The following ASXL1 variants were observed in gnomAD, a reference collection of about 807,000 sequenced individuals.
ASXL1 encodes the protein polycomb group protein ASXL1.
ASXL1 carries 65 observed loss-of-function variants against 89.1 expected under a neutral mutation model. The observed-to-expected ratio is 0.73, with a 90% confidence interval of 0.60 to 0.90. The LOEUF (loss-of-function observed/expected upper bound fraction) is 0.90. Ranked by LOEUF, ASXL1 falls within the 40% of genes least tolerant of loss-of-function variation. The pLI is 0.00. For synonymous variants in ASXL1, 739 were observed against 746.9 expected (o/e 0.99, Z 0.17); for missense variants, 1,786 against 1,942.9 (o/e 0.92, Z 1.52).
chr20:32,386,592 A>G lies in ASXL1; in HGVS notation c.252+17469A>G, dbSNP rs1399959613. ...GCCACCATGCCCAGCTGTTTTTTGTATAATTATTAGAGATGGGGTTTCGCC... is the reference window on the plus strand; with the variant it reads ...GCCACCATGCCCAGCTGTTTTTTGTGTAATTATTAGAGATGGGGTTTCGCC... On this transcript the variant is annotated intron_variant, in intron 4 of 12. Transcript: ENST00000375687. Among the ~76,000 whole-genome samples, 6 of 151,828 alleles carry G rather than the reference A, an allele frequency of 4.0e-5. 1 individual carries two copies. Among genetic ancestry groups the G allele is most frequent in the Admixed American group, 1.3e-4 (2 of 15,222 alleles).
At chr20:32,372,484 T>C in intron 4 of ASXL1, 1 of 914,640 alleles carries the variant, frequency 1.1e-6, no homozygotes, top group Non-Finnish European at 1.3e-6. Context: ...GAGCAGAGTC[T>C]GTATTTTATT....
Position 32,429,806 on chromosome 20 carries a change from C to T in ASXL1, c.566-95C>T. ...GATGGAAGCATCCCAGTATTGCTGGCAGCATCTCAGGGAGAGCTGGGAGAA... is the reference window on the plus strand; with the variant it reads ...GATGGAAGCATCCCAGTATTGCTGGTAGCATCTCAGGGAGAGCTGGGAGAA... On this transcript the variant is annotated intron_variant, in intron 7 of 12. Transcript: ENST00000375687. The surrounding 1 kb of genome is among the most constrained non-coding windows in gnomAD (Gnocchi z 4.9). The T allele has an allele frequency of 6.7e-7, 1 of 1,492,752 alleles. No homozygotes were observed. The highest frequency in any genetic ancestry group is 1.2e-5 in the South Asian group (1 of 82,922). The allele number at this position is 1,492,752 out of a possible 1,614,324, so 92.5% of individuals were successfully genotyped here.
chr20:32,359,825 A>G (rs1336322473), intron 1 of ASXL1: 1 of 717,720 alleles, frequency 1.4e-6, no homozygotes, highest in Non-Finnish European at 2.6e-6. Flanking sequence ...ACTCCCACAA[A>G]GCTCAGACAC....
intron 4 of ASXL1, among the ~76,000 whole-genome samples, chr20:32,381,601 G>A (rs111296357): frequency 7.0e-6 from 1 of 143,796 alleles, no homozygotes; most frequent in Non-Finnish European, 1.5e-5. Context: ...TGCAAGCTCC[G>A]CCTCCCGGGT....
chr20:32,399,747 CTTTTTTTTTT>C (rs369127811), intron 4 of ASXL1, among the ~76,000 whole-genome samples: 8 of 73,886 alleles, frequency 1.1e-4, no homozygotes, highest in Admixed American at 5.2e-4. Context: ...ATATTTTACT[CTTTTTTTTTT>C]TTTTTTTTTT....
At chr20:32,362,867 A>G (rs908655401) in intron 1 of ASXL1, among the ~76,000 whole-genome samples, 2 of 151,650 alleles carry the variant, frequency 1.3e-5, no homozygotes, top group Non-Finnish European at 3.0e-5. Context: ...TGTTATAAAC[A>G]GTTTGTTTGG....
intron 4 of ASXL1, among the ~76,000 whole-genome samples, chr20:32,388,863 ACTTTC>A (rs2048623472): frequency 6.6e-6 from 1 of 152,106 alleles, no homozygotes; most frequent in African/African-American, 2.4e-5. Context: ...TATTGTTTTT[ACTTTC>A]CTTGTTATGA....
chr20:32,436,837 G>A lies in ASXL1; in HGVS notation c.4125G>A (p.Gly1375=), dbSNP rs1469591732. The A allele has an allele frequency of 5.6e-6, 9 of 1,614,058 alleles. No individual in the cohort carries two copies. The highest frequency in any genetic ancestry group is 5.9e-6 in the Non-Finnish European group (7 of 1,180,044). Residue 1375 remains glycine, a synonymous_variant, in exon 13 of 13, where the codon GGG becomes GGA. Coordinates refer to ENST00000375687, the MANE Select transcript of ASXL1 (RefSeq NM_015338.6). Reference sequence around the variant, plus strand: ...TCAAGAATGAGAAGACTTTTGTGGGGGGTCCTCTTAAGGCAAATGCCGAGA... The same window carrying A: ...TCAAGAATGAGAAGACTTTTGTGGGAGGTCCTCTTAAGGCAAATGCCGAGA... ...GSVKNEKTFV[G]GPLKANAENR... is the part of the protein sequence containing the mutation.
At chr20:32,431,562 T>C (rs372610206) in intron 9 of ASXL1, 21 bp from the exon 10 acceptor site, 6 of 1,614,152 alleles carry the variant, frequency 3.7e-6, no homozygotes, top group Non-Finnish European at 5.1e-6. Context: ...TTAGGATTTT[T>C]TTCCCCCTTG....
chr20:32,367,627 AT>A (rs1443982575), intron 2 of ASXL1, 99 bp from the exon 3 acceptor site: 8 of 768,932 alleles, frequency 1.0e-5, no homozygotes, highest in African/African-American at 1.0e-4. Context: ...ACTTGTACTT[AT>A]CCACTGTGTA....
chr20:32,429,823 C>A lies in ASXL1; in HGVS notation c.566-78C>A, dbSNP rs2011463748. On this transcript the variant is annotated intron_variant, in intron 7 of 12. Transcript: ENST00000375687. This position sits in a 1 kb window ranked among gnomAD's most constrained non-coding sequence, Gnocchi z 4.9. The stretch of plus-strand genomic sequence containing the variant: ...ATTGCTGGCAGCATCTCAGGGAGAG[C>A]TGGGAGAAATGAGCTTGTCTGAGAG... 6.4e-7 allele frequency: 1 copy of A among 1,553,162 alleles called. No homozygotes were observed. The highest frequency in any genetic ancestry group is 8.7e-7 in the Non-Finnish European group (1 of 1,146,228).
rs759571048 is a variant in ASXL1 at position 32,436,523 on chromosome 20, A to G, written c.3811A>G (p.Thr1271Ala). Residue 1271 changes from threonine (T) to alanine (A), a missense_variant, in exon 13 of 13, where the codon ACA becomes GCA. Physicochemically the swap from Thr to Ala is moderately conservative, Grantham distance 58. Transcript: ENST00000375687. ...KSPGDLTTSR[T>A]PRFSSPNVIS... ...CCCAGGAGATCTTACTACCTCGAGA[A>G]CACCTCGTTTCTCATCTCCAAATGT... 1.9e-6 allele frequency: 3 copies of G among 1,614,216 alleles called. No individual in the cohort carries two copies. The South Asian group carries it at 3.3e-5, about 18-fold the overall frequency.
At chr20:32,377,183 T>A (rs2048400505) in intron 4 of ASXL1, among the ~76,000 whole-genome samples, 1 of 143,676 alleles carries the variant, frequency 7.0e-6, no homozygotes, top group Admixed American at 7.4e-5. Flanking sequence ...TATAATATAT[T>A]ATAGATATAT....
chr20:32,374,622 G>A (rs1276138505), intron 4 of ASXL1, among the ~76,000 whole-genome samples: 1 of 151,978 alleles, frequency 6.6e-6, no homozygotes, highest in Non-Finnish European at 1.5e-5. Context: ...GCTGTTTTAA[G>A]AATTCCAGAT....
rs1470549663 is a variant in ASXL1, at chr20:32,435,416, CCATCGAATGA to C, written c.2705_2714del (p.Pro902LeufsTer3). 1 of 1,614,002 alleles carries C rather than the reference CCATCGAATGA, an allele frequency of 6.2e-7. No individual in the cohort carries two copies. Among genetic ancestry groups the C allele is most frequent in the Non-Finnish European group, 8.5e-7 (1 of 1,180,038 alleles). On this transcript the variant is annotated frameshift_variant, in exon 13 of 13. Coordinates refer to ENST00000375687, the MANE Select transcript of ASXL1 (RefSeq NM_015338.6). LOFTEE classifies it low-confidence loss of function (END_TRUNC). Reference sequence around the variant, plus strand: ...CAGTTCTTTGCATTGGATACCCATCCCATCGAATGATGAGGTAGTGAAACAGCCCAAACCA... The same window carrying C: ...CAGTTCTTTGCATTGGATACCCATCCTGAGGTAGTGAAACAGCCCAAACCA...
chr20:32,422,268 T>C (rs559133018), intron 4 of ASXL1, among the ~76,000 whole-genome samples: 6 of 151,236 alleles, frequency 4.0e-5, no homozygotes, highest in South Asian at 2.1e-4. Context: ...TTGATATGCA[T>C]TTGTTAGAAC....
intron 4 of ASXL1, among the ~76,000 whole-genome samples, chr20:32,423,474 A>G (rs895286837): frequency 1.3e-5 from 2 of 151,980 alleles, no homozygotes; most frequent in Non-Finnish European, 2.9e-5. Context: ...TCCCAGCTTC[A>G]GGTGGTCCCC....
chr20:32,382,622 A>AC (rs1002361435), intron 4 of ASXL1, among the ~76,000 whole-genome samples: 22 of 147,522 alleles, frequency 1.5e-4, no homozygotes, highest in Admixed American at 8.2e-4. Flanking sequence ...AAAAAAAAAA[A>AC]AAAAACAAAA....
In ASXL1 at chr20:32,429,514, T is replaced by C; in HGVS notation, c.565+83T>C. The C allele has an allele frequency of 1.4e-6, 2 of 1,394,242 alleles. No individual in the cohort carries two copies. Among genetic ancestry groups the C allele is most frequent in the South Asian group, 1.2e-5 (1 of 85,882 alleles). 86.4% of individuals were successfully genotyped at this position (1,394,242 alleles called of 1,614,324 possible). ...CCTCTGTCAGCAGTTTCTGACCTAA[T>C]AGTGCGATACTAGGAGAGCTGTCGG... On this transcript the variant is annotated intron_variant, in intron 7 of 12. Coordinates refer to ENST00000375687, the MANE Select transcript of ASXL1 (RefSeq NM_015338.6). This position sits in a 1 kb window ranked among gnomAD's most constrained non-coding sequence, Gnocchi z 4.9.
Sources: allele counts gnomAD v4.1 joint callset (sites outside exome capture counted in the v4.1 genomes callset), GRCh38; gene constraint gnomAD v4.1.1; non-coding constraint Gnocchi (gnomAD v3.1); transcripts MANE v1.5; gene names NCBI Gene and HGNC (gene_info 2026-07-23, HGNC 2026-07-21).